Variants in CDH13 observed in about 807,000 individuals in gnomAD.
The protein encoded by CDH13 is cadherin 13, also known as cadherin-13.
A neutral mutation model predicts 63.8 loss-of-function variants in CDH13; 24 were observed. That is an observed-to-expected ratio of 0.38 (90% CI 0.27 to 0.53). The LOEUF (loss-of-function observed/expected upper bound fraction) is 0.53, where lower values mean the gene tolerates loss of function less well. Ranked by LOEUF, CDH13 falls within the 20% of genes least tolerant of loss-of-function variation. The pLI is 0.85. For synonymous variants in CDH13, 503 were observed against 355.3 expected (o/e 1.42, Z -4.67); for missense variants, 1,049 against 903.1 (o/e 1.16, Z -2.07).
intron 8 of CDH13, among the ~76,000 whole-genome samples, chr16:83,651,921 T>C (rs1810913531): frequency 6.6e-6 from 1 of 152,108 alleles, no homozygotes; most frequent in African/African-American, 2.4e-5. Context: ...TGTGACAGAG[T>C]GCCACTGGAG....
intron 7 of CDH13, among the ~76,000 whole-genome samples, chr16:83,536,243 G>T (rs1426233738): frequency 6.6e-6 from 1 of 152,350 alleles, no homozygotes; most frequent in East Asian, 1.9e-4. Flanking sequence ...TTACAATGTA[G>T]TTGGGGGGAC....
At chr16:83,295,122 C>G (rs1285614902) in intron 5 of CDH13, among the ~76,000 whole-genome samples, 2 of 152,034 alleles carry the variant, frequency 1.3e-5, no homozygotes, top group Admixed American at 6.5e-5. Flanking sequence ...CAAGAACACA[C>G]AATGGGGGAA....
At chr16:83,165,320 T>G (rs1482310197) in intron 4 of CDH13, among the ~76,000 whole-genome samples, 1 of 152,054 alleles carries the variant, frequency 6.6e-6, no homozygotes, top group African/African-American at 2.4e-5. Context: ...GTCTTGAAGA[T>G]TCAAAATGCA....
Position 83,215,986 on chromosome 16 carries a change from CA to C in CDH13, c.484-1358del, listed in dbSNP as rs200453948. Among the ~76,000 whole-genome samples the C allele has an allele frequency of 2.7e-3, 389 of 144,322 alleles. 2 individuals are homozygous for C. Among genetic ancestry groups the C allele is most frequent in the Middle Eastern group, 0.011 (3 of 272 alleles). 94.7% of individuals were successfully genotyped at this position (144,322 alleles called of 152,430 possible). ...TAGTTGCACATCTACATAAAAAGACCACCCCCCATACTTTGACCCCAACTGC... is the reference window on the plus strand; with the variant it reads ...TAGTTGCACATCTACATAAAAAGACCCCCCCCATACTTTGACCCCAACTGC... On this transcript the variant is annotated intron_variant, in intron 4 of 13. Transcript: ENST00000567109.
chr16:83,341,989 C>CCACCCACACACA (rs1555532512), intron 5 of CDH13, among the ~76,000 whole-genome samples: 1 of 138,072 alleles, frequency 7.2e-6, no homozygotes, highest in African/African-American at 2.7e-5. Context: ...GTGTCCCCTG[C>CCACCCACACACA]CACACACACA....
At chr16:83,569,494 T>C (rs1904371302) in intron 7 of CDH13, among the ~76,000 whole-genome samples, 1 of 152,250 alleles carries the variant, frequency 6.6e-6, no homozygotes, top group Non-Finnish European at 1.5e-5. Context: ...GCTTGAAATA[T>C]ATTTGAATGA....
chr16:83,004,515 T>A (rs897507231), intron 2 of CDH13, among the ~76,000 whole-genome samples: 2 of 152,158 alleles, frequency 1.3e-5, no homozygotes, highest in African/African-American at 4.8e-5. Flanking sequence ...TTGTTTTGTT[T>A]TTTTCCCAAG....
At position 83,378,884 on chromosome 16, in the gene CDH13, A is replaced by T. The variant is rs140992694; in HGVS notation, c.781+33878A>T. Reference sequence around the variant, plus strand: ...GTTCTTAGCCTTCTAAGCTCACACCATTGTCTCATGCTAAACTTGTGGTCC... The same window carrying T: ...GTTCTTAGCCTTCTAAGCTCACACCTTTGTCTCATGCTAAACTTGTGGTCC... On this transcript the variant is annotated intron_variant, in intron 6 of 13. Transcript: ENST00000567109. Among the ~76,000 whole-genome samples, 217 of 152,234 alleles carry T rather than the reference A, an allele frequency of 1.4e-3. 5 individuals are homozygous for T. In the East Asian group the frequency reaches 0.035, roughly 24 times the overall value.
At chr16:83,225,298 C>T (rs182030444) in intron 5 of CDH13, among the ~76,000 whole-genome samples, 1 of 152,296 alleles carries the variant, frequency 6.6e-6, no homozygotes, top group Admixed American at 6.5e-5. Context: ...GTAACATGTG[C>T]CTCAACTGTG....
intron 8 of CDH13, among the ~76,000 whole-genome samples, chr16:83,617,888 CATAAA>C (rs1909430691): frequency 6.6e-6 from 1 of 152,034 alleles, no homozygotes; most frequent in Non-Finnish European, 1.5e-5. Context: ...TAATATATGA[CATAAA>C]ATATTAAATA....
chr16:83,517,283 A>C (rs542276054), intron 7 of CDH13, among the ~76,000 whole-genome samples: 14 of 152,352 alleles, frequency 9.2e-5, no homozygotes, highest in Admixed American at 2.6e-4. Flanking sequence ...AGCAAACTTG[A>C]AATATTAATC....
At chr16:83,450,392 G>A (rs1358461732) in intron 6 of CDH13, among the ~76,000 whole-genome samples, 1 of 152,194 alleles carries the variant, frequency 6.6e-6, no homozygotes, top group Non-Finnish European at 1.5e-5. Flanking sequence ...TTGCTCCTCT[G>A]AAAAATGGGT....
intron 8 of CDH13, among the ~76,000 whole-genome samples, chr16:83,604,001 C>G (rs1489940438): frequency 6.6e-6 from 1 of 152,076 alleles, no homozygotes; most frequent in Non-Finnish European, 1.5e-5. Context: ...TGAGACAGCA[C>G]TAGGGGGGTG....
intron 10 of CDH13, among the ~76,000 whole-genome samples, chr16:83,705,044 C>G (rs1342492957): frequency 2.0e-5 from 3 of 152,206 alleles, no homozygotes; most frequent in East Asian, 1.9e-4. Flanking sequence ...CTGAAGCTCA[C>G]CACTTCAAGT....
At chr16:83,629,873 A>T (rs1910628089) in intron 8 of CDH13, among the ~76,000 whole-genome samples, 1 of 152,220 alleles carries the variant, frequency 6.6e-6, no homozygotes, top group African/African-American at 2.4e-5. Context: ...GATGCAGGGG[A>T]AGAGAGCTTA....
intron 5 of CDH13, among the ~76,000 whole-genome samples, chr16:83,238,497 G>T (rs924361357): frequency 5.9e-5 from 9 of 152,192 alleles, no homozygotes; most frequent in African/African-American, 2.2e-4. Flanking sequence ...TTCAAGATGA[G>T]ATTTGGGTCA....
chr16:82,896,276 A>ATGTTTTTTTTT (rs2041253638), intron 2 of CDH13, among the ~76,000 whole-genome samples: 1 of 87,816 alleles, frequency 1.1e-5, no homozygotes, highest in Admixed American at 1.6e-4. Context: ...TAGGATTAGG[A>ATGTTTTTTTTT]TTTTTTTTTT....
chr16:83,692,355 C>G (rs1394514578), intron 10 of CDH13, among the ~76,000 whole-genome samples: 1 of 152,100 alleles, frequency 6.6e-6, no homozygotes, highest in Non-Finnish European at 1.5e-5. Flanking sequence ...GCAGGAGGTC[C>G]CTAGGGATGC....
In CDH13 at chr16:83,149,762, C is replaced by G. The variant is rs567165821; in HGVS notation, c.483+24261C>G. On this transcript the variant is annotated intron_variant, in intron 4 of 13. Transcript: ENST00000567109. ...GCACTGGGGTGCTGGGGCTGGCTCA[C>G]GGCATCTTGCACCAGCGGTACATAT... Among the ~76,000 whole-genome samples the G allele has an allele frequency of 1.1e-4, 17 of 152,276 alleles. No homozygotes were observed. The East Asian group carries it at 3.3e-3, about 29-fold the overall frequency.
Sources: gnomAD v4.1 joint callset for allele counts (sites outside exome capture counted in the v4.1 genomes callset) on GRCh38, gnomAD v4.1.1 for gene constraint, MANE v1.5 for transcripts, NCBI Gene and HGNC (gene_info 2026-07-23, HGNC 2026-07-21) for gene names.